DDX31: variants seen among roughly 807,000 people sequenced by gnomAD.
The protein encoded by DDX31 is ATP-dependent DNA helicase DDX31.
DDX31 carries 70 observed loss-of-function variants against 91.3 expected under a neutral mutation model. The observed-to-expected ratio is 0.77, with a 90% CI of 0.63 to 0.94. DDX31 has a LOEUF of 0.94. Ranked by LOEUF, DDX31 falls within the 40% of genes least tolerant of loss-of-function variation. DDX31 has a pLI of 0.00. For synonymous variants in DDX31, 362 were observed against 350.6 expected (o/e 1.03, Z -0.36); for missense variants, 902 against 925.0 (o/e 0.98, Z 0.32).
At chr9:132,644,959 A>G (rs1000218497) in intron 13 of DDX31, among the ~76,000 whole-genome samples, 1 of 152,208 alleles carries the variant, frequency 6.6e-6, no homozygotes, top group Non-Finnish European at 1.5e-5. Flanking sequence ...CTTAATTATT[A>G]AAACAAAAGA....
At chr9:132,653,142 T>C (rs1353284274) in intron 6 of DDX31, among the ~76,000 whole-genome samples, 1 of 150,200 alleles carries the variant, frequency 6.7e-6, no homozygotes, top group Non-Finnish European at 1.5e-5. Context: ...AGAGAACTAA[T>C]GTAAAATCTA....
intron 1 of DDX31, chr9:132,663,258 C>T (rs1355547941): frequency 1.6e-6 from 2 of 1,289,218 alleles, no homozygotes; most frequent in East Asian, 1.1e-4. Flanking sequence ...CTCATTCTCT[C>T]CTCTCAAGCT....
At chr9:132,665,048 T>C (rs1233053323) in intron 1 of DDX31, among the ~76,000 whole-genome samples, 2 of 152,168 alleles carry the variant, frequency 1.3e-5, no homozygotes, top group Non-Finnish European at 2.9e-5. Context: ...CTCCATAGCA[T>C]TCGACAAAAT....
chr9:132,644,945 T>C (rs904495262), intron 13 of DDX31, among the ~76,000 whole-genome samples: 1 of 152,154 alleles, frequency 6.6e-6, no homozygotes, highest in African/African-American at 2.4e-5. Flanking sequence ...TGGGCCTCTA[T>C]TTACTTAATT....
chr9:132,667,664 G>A lies in DDX31; in HGVS notation c.75+2196C>T, dbSNP rs570801926. Among the ~76,000 whole-genome samples, 19 of 152,072 alleles carry A rather than the reference G, an allele frequency of 1.2e-4. No individual in the cohort carries two copies. In the South Asian group the frequency reaches 4.0e-3, roughly 32 times the overall value. ...CTAGACAAGGCCACCGCAGACACCT[G>A]TCATCACTGCATTAATTAATCCCCT... is the stretch of plus-strand genomic sequence containing the variant. On this transcript the variant is annotated intron_variant, in intron 1 of 19. Transcript: ENST00000372159.
At chr9:132,659,906 C>G (rs967577555) in intron 4 of DDX31, 126 bp from the exon 5 acceptor site, 44 of 768,368 alleles carry the variant, frequency 5.7e-5, no homozygotes, top group Non-Finnish European at 9.3e-5. Flanking sequence ...TAGAAGCTAT[C>G]AAAGCATTCA....
At chr9:132,639,800 G>A (rs771823652) in intron 14 of DDX31, among the ~76,000 whole-genome samples, 2 of 152,090 alleles carry the variant, frequency 1.3e-5, no homozygotes, top group African/African-American at 2.4e-5. Context: ...GCATGTTATG[G>A]GTCAAAGATA....
chr9:132,657,417 G>C (rs774378234), intron 6 of DDX31, among the ~76,000 whole-genome samples: 1 of 151,090 alleles, frequency 6.6e-6, no homozygotes, highest in Non-Finnish European at 1.5e-5. Context: ...TACTACTGTG[G>C]CATTTGCCAA....
At chr9:132,621,178 A>G (rs1832007608) in intron 17 of DDX31, among the ~76,000 whole-genome samples, 1 of 152,260 alleles carries the variant, frequency 6.6e-6, no homozygotes, top group African/African-American at 2.4e-5. Context: ...AGATGAGTCT[A>G]AGATAAATAG....
At chr9:132,664,708 C>A (rs1228400040) in intron 1 of DDX31, among the ~76,000 whole-genome samples, 2 of 132,556 alleles carry the variant, frequency 1.5e-5, no homozygotes, top group African/African-American at 2.9e-5. Flanking sequence ...CAGAGTAAGA[C>A]CCTCGCTCAA....
In DDX31 at chr9:132,595,072, C is replaced by T. The variant is rs756798421; in HGVS notation, c.2035G>A (p.Ala679Thr). 3.3e-5 allele frequency: 53 copies of T among 1,614,036 alleles called. No individual in the cohort carries two copies. The Admixed American group carries it at 7.7e-4, about 23-fold the overall frequency. The change falls in exon 20 of 20, where the codon GCT becomes ACT. Residue 679 changes from alanine (A) to threonine (T), a missense_variant. Ala to Thr is a moderately conservative substitution (Grantham distance 58, BLOSUM62 0). Coordinates refer to ENST00000372159, the MANE Select transcript of DDX31 (RefSeq NM_022779.9). This position sits in a 1 kb window ranked among gnomAD's most constrained non-coding sequence, Gnocchi z 4.6. ...GAGTATTCCGAACGTAGGATTTCAGCGAGGCTGTGTTTACTCTGGGTCTTC... is the reference window on the plus strand; with the variant it reads ...GAGTATTCCGAACGTAGGATTTCAGTGAGGCTGTGTTTACTCTGGGTCTTC... ...HKKTQSKHSL[A>T]EILRSEYSSG...
In DDX31 at chr9:132,595,088, C is replaced by A; in HGVS notation, c.2019G>T (p.Gln673His). The change falls in exon 20 of 20, where the codon CAG becomes CAT. Residue 673 changes from glutamine to histidine, a missense_variant. Transcript: ENST00000372159. The surrounding 1 kb of genome is among the most constrained non-coding windows in gnomAD (Gnocchi z 4.6). ...GGATTTCAGCGAGGCTGTGTTTACT[C>A]TGGGTCTTCTTATGAAGGTCAGGCC... ...VKRPDLHKKT[Q>H]SKHSLAEILR... 6.2e-7 allele frequency: 1 copy of A among 1,614,142 alleles called. No homozygotes were observed. The highest frequency in any genetic ancestry group is 8.5e-7 in the Non-Finnish European group (1 of 1,180,012).
intron 17 of DDX31, among the ~76,000 whole-genome samples, chr9:132,625,322 C>T (rs573944029): frequency 3.9e-5 from 6 of 152,096 alleles, no homozygotes; most frequent in South Asian, 2.1e-4. Flanking sequence ...TCTAGGCAGC[C>T]GTCCTTGCTG....
intron 17 of DDX31, among the ~76,000 whole-genome samples, chr9:132,622,514 T>C (rs1258895105): frequency 6.6e-6 from 1 of 152,240 alleles, no homozygotes; most frequent in Non-Finnish European, 1.5e-5. Flanking sequence ...TTCCTGCCCT[T>C]CTACAGCTTC....
intron 13 of DDX31, among the ~76,000 whole-genome samples, chr9:132,645,292 A>G (rs1833753625): frequency 6.6e-6 from 1 of 152,174 alleles, no homozygotes; most frequent in South Asian, 2.1e-4. Flanking sequence ...TCCCTAAAAT[A>G]GGGGAAATGT....
intron 14 of DDX31, chr9:132,638,135 G>T: frequency 7.2e-7 from 1 of 1,388,480 alleles, no homozygotes; most frequent in Non-Finnish European, 9.3e-7. Context: ...TGGCGCCCAG[G>T]GCGGGCTGCA....
intron 14 of DDX31, among the ~76,000 whole-genome samples, chr9:132,632,779 A>T (rs1387420898): frequency 6.6e-6 from 1 of 152,200 alleles, no homozygotes; most frequent in Non-Finnish European, 1.5e-5. Flanking sequence ...AATCGCTTCA[A>T]AGATTTAGCT....
chr9:132,659,843 G>A (rs1564337962), intron 4 of DDX31, 63 bp from the exon 5 acceptor site: 1 of 1,534,272 alleles, frequency 6.5e-7, no homozygotes, highest in Non-Finnish European at 8.9e-7. Context: ...CAGAGACGCA[G>A]GATACATAAA....
chr9:132,647,125 C>G, intron 11 of DDX31, 67 bp from the exon 12 acceptor site: 1 of 1,434,158 alleles, frequency 7.0e-7, no homozygotes, highest in South Asian at 1.2e-5. Flanking sequence ...CAAAAGCGTA[C>G]CCCCATACAG....
Sources: gnomAD v4.1 joint callset for allele counts (sites outside exome capture counted in the v4.1 genomes callset) on GRCh38, gnomAD v4.1.1 for gene constraint, Gnocchi (gnomAD v3.1) non-coding constraint, MANE v1.5 for transcripts, NCBI Gene and HGNC (gene_info 2026-07-23, HGNC 2026-07-21) for gene names.